The following PPFIA2 variants were observed in gnomAD, a reference collection of about 807,000 sequenced individuals.
PPFIA2 encodes the protein PPFI scaffold protein A2.
A neutral mutation model predicts 175.5 loss-of-function variants in PPFIA2; 46 were observed. The ratio of observed to expected loss-of-function variants is 0.26; its 90% CI spans 0.21 to 0.34. PPFIA2 has a LOEUF of 0.34. PPFIA2 is among the 10% of genes least tolerant of loss of function. The pLI is 1.00. For missense variants in PPFIA2, 1,179 were observed against 1,506.1 expected (o/e 0.78, Z 3.60); for synonymous variants, 568 against 511.4 (o/e 1.11, Z -1.49).
intron 30 of PPFIA2, among the ~76,000 whole-genome samples, chr12:81,265,443 T>C (rs1470381234): frequency 6.6e-6 from 1 of 152,088 alleles, no homozygotes; most frequent in East Asian, 1.9e-4. Flanking sequence ...TTTCATGAGA[T>C]AGGGTTAATT....
intron 4 of PPFIA2, among the ~76,000 whole-genome samples, chr12:81,637,128 G>T (rs1336875845): frequency 1.3e-5 from 2 of 149,564 alleles, no homozygotes; most frequent in African/African-American, 5.0e-5. Flanking sequence ...GGAGTGCAAT[G>T]GTGTGATCTC....
chr12:81,571,851 T>C (rs2072606227), intron 4 of PPFIA2, among the ~76,000 whole-genome samples: 1 of 152,114 alleles, frequency 6.6e-6, no homozygotes, highest in Non-Finnish European at 1.5e-5. Flanking sequence ...GTCGACACAT[T>C]GTAGGTATTA....
chr12:81,337,975 G>T (rs1171655828), intron 21 of PPFIA2, among the ~76,000 whole-genome samples: 3 of 152,082 alleles, frequency 2.0e-5, no homozygotes, highest in Non-Finnish European at 4.4e-5. Flanking sequence ...AATACAAAAA[G>T]ATTTAATTCC....
intron 4 of PPFIA2, among the ~76,000 whole-genome samples, chr12:81,459,653 C>A (rs1420020726): frequency 6.6e-6 from 1 of 152,028 alleles, no homozygotes; most frequent in Non-Finnish European, 1.5e-5. Context: ...TGCACTGAAA[C>A]AATCAAGTTT....
chr12:81,495,692 G>C (rs1369075321), intron 4 of PPFIA2, among the ~76,000 whole-genome samples: 1 of 152,074 alleles, frequency 6.6e-6, no homozygotes, highest in East Asian at 1.9e-4. Flanking sequence ...GTGAGCATCT[G>C]TAGTCCCAGC....
chr12:81,708,793 A>G (rs1451073344), intron 3 of PPFIA2, among the ~76,000 whole-genome samples: 2 of 152,188 alleles, frequency 1.3e-5, no homozygotes, highest in Non-Finnish European at 2.9e-5. Flanking sequence ...TTAATGGAAG[A>G]TGTCTGCTAA....
rs924624453 is a variant in PPFIA2 at position 81,749,276 on chromosome 12, T to A, written c.249+4697A>T. On this transcript the variant is annotated intron_variant, in intron 3 of 32. Coordinates refer to ENST00000549396, the MANE Select transcript of PPFIA2 (RefSeq NM_003625.5). ...ATAGTTCAAATACTTTCAGTACTTC[T>A]ATAATCTTCCAGTACTATATTTATT... is the stretch of plus-strand genomic sequence containing the variant. Among the ~76,000 whole-genome samples, 2 of 144,238 alleles carry A rather than the reference T, an allele frequency of 1.4e-5. 1 individual carries two copies. Among genetic ancestry groups the A allele is most frequent in the Non-Finnish European group, 3.1e-5 (2 of 64,362 alleles). The allele number at this position is 144,238 out of a possible 152,430, so 94.6% of individuals were successfully genotyped here.
chr12:81,459,181 G>C (rs1246271798), intron 4 of PPFIA2, among the ~76,000 whole-genome samples: 1 of 152,052 alleles, frequency 6.6e-6, no homozygotes, highest in Non-Finnish European at 1.5e-5. Flanking sequence ...CTGACATAGG[G>C]ATAAATGTTT....
chr12:81,552,548 A>G (rs1379215651), intron 4 of PPFIA2, among the ~76,000 whole-genome samples: 1 of 152,036 alleles, frequency 6.6e-6, no homozygotes, highest in Non-Finnish European at 1.5e-5. Context: ...CTAAGTTATC[A>G]ATCATGATGA....
chr12:81,747,368 A>G (rs2153660671), intron 3 of PPFIA2, among the ~76,000 whole-genome samples: 1 of 144,228 alleles, frequency 6.9e-6, no homozygotes, highest in South Asian at 2.3e-4. Flanking sequence ...GAAGTGGAAA[A>G]TTTAGGAAAA....
chr12:81,309,180 T>A (rs1202183395), intron 22 of PPFIA2, among the ~76,000 whole-genome samples: 2 of 152,238 alleles, frequency 1.3e-5, no homozygotes, highest in South Asian at 4.1e-4. Flanking sequence ...GTAAATAGGA[T>A]GTAACCTCCT....
rs1252498939 is a variant in PPFIA2 at position 81,347,585 on chromosome 12, A to G, written c.2180T>C (p.Leu727Pro). 25 of 1,613,656 alleles carry G rather than the reference A, an allele frequency of 1.5e-5. No individual in the cohort carries two copies. The highest frequency in any genetic ancestry group is 1.9e-5 in the Non-Finnish European group (23 of 1,179,694). The change falls in exon 18 of 33, where the codon CTC (leucine) becomes CCC (proline). Residue 727 changes from leucine (L) to proline (P), a missense_variant. This residue lies in a region of PPFIA2 where 223 missense variants were observed against 241.6 expected (regional missense o/e 0.92). Coordinates refer to ENST00000549396, the MANE Select transcript of PPFIA2 (RefSeq NM_003625.5). ...SPPSGHSTPK[L>P]TPRSPAREMD... ...TTCCCTGGCAGGGCTTCGAGGGGTG[A>G]GCTTTGGAGTTGAGTGTCCACTGGG...
intron 4 of PPFIA2, among the ~76,000 whole-genome samples, chr12:81,506,816 T>A (rs530796100): frequency 6.6e-6 from 1 of 152,342 alleles, no homozygotes; most frequent in South Asian, 2.1e-4. Context: ...TCAACTCTGA[T>A]GTTATAGCAC....
At chr12:81,438,200 T>C (rs1478748682) in intron 7 of PPFIA2, among the ~76,000 whole-genome samples, 1 of 152,184 alleles carries the variant, frequency 6.6e-6, no homozygotes, top group African/African-American at 2.4e-5. Flanking sequence ...CTGGGCGCGG[T>C]GGCTCACGCG....
intron 4 of PPFIA2, among the ~76,000 whole-genome samples, chr12:81,670,431 C>G (rs1243955205): frequency 6.6e-6 from 1 of 151,812 alleles, no homozygotes; most frequent in African/African-American, 2.4e-5. Context: ...TTTCATCACC[C>G]ATGTCTATGA....
intron 4 of PPFIA2, among the ~76,000 whole-genome samples, chr12:81,602,545 A>T (rs749970484): frequency 7.2e-5 from 11 of 151,892 alleles, no homozygotes; most frequent in Non-Finnish European, 1.3e-4. Context: ...ATAATCATTA[A>T]ATACCTTGAT....
At chr12:81,619,302 T>A (rs1449243339) in intron 4 of PPFIA2, among the ~76,000 whole-genome samples, 1 of 152,208 alleles carries the variant, frequency 6.6e-6, no homozygotes, top group Non-Finnish European at 1.5e-5. Context: ...GTGTGGTTAA[T>A]CATACACGTT....
At chr12:81,472,894 C>A (rs1365815899) in intron 4 of PPFIA2, 1 of 152,196 alleles carries the variant, frequency 6.6e-6, no homozygotes, top group African/African-American at 2.4e-5. Flanking sequence ...TCAGATGACT[C>A]TGCTTTCTTG....
At chr12:81,624,842 T>G (rs7960590) in intron 4 of PPFIA2, among the ~76,000 whole-genome samples, 135,822 of 150,062 alleles carry the variant, frequency 0.91, 61,733 homozygotes, top group East Asian at 1. Context: ...GGGTGGAGGG[T>G]GACCAGGGAT....
Sources: allele counts gnomAD v4.1 joint callset (sites outside exome capture counted in the v4.1 genomes callset), GRCh38; gene constraint gnomAD v4.1.1; regional missense constraint gnomAD v4.1.1; transcripts MANE v1.5; gene names NCBI Gene and HGNC (gene_info 2026-07-23, HGNC 2026-07-21).